PARL: variants seen among roughly 807,000 people sequenced by gnomAD.
PARL encodes the protein presenilin associated rhomboid like, also known as presenilin-associated rhomboid-like protein, mitochondrial.
PARL carries 44 observed loss-of-function variants against 51.6 expected under a neutral mutation model. The observed-to-expected ratio is 0.85, with a 90% CI of 0.67 to 1.10. PARL has a LOEUF of 1.10. Among genes scored for constraint, PARL ranks in the 50% least tolerant of loss-of-function variants. The probability of loss-of-function intolerance (pLI) is 0.00; values close to 1 mark genes in which losing one functional copy is unlikely to be tolerated. For missense variants in PARL, 441 were observed against 469.5 expected (o/e 0.94, Z 0.56); for synonymous variants, 172 against 164.0 (o/e 1.05, Z -0.37).
At chr3:183,876,082 G>C (rs532873486) in intron 1 of PARL, among the ~76,000 whole-genome samples, 1 of 152,282 alleles carries the variant, frequency 6.6e-6, no homozygotes, top group South Asian at 2.1e-4. Context: ...GTCTCACTCT[G>C]TCGCCCAGGC....
In PARL at chr3:183,884,803, T is replaced by C. The variant is rs1331168865; in HGVS notation, c.44A>G (p.Gln15Arg). 2.2e-5 allele frequency: 35 copies of C among 1,595,574 alleles called. No individual in the cohort carries two copies. The highest frequency in any genetic ancestry group is 2.9e-5 in the Non-Finnish European group (34 of 1,177,888). The change falls in exon 1 of 10, where the codon CAG becomes CGG. Residue 15 changes from glutamine to arginine, a missense_variant. By Grantham distance (43) the Gln-to-Arg change is conservative. Transcript: ENST00000317096. Reference sequence around the variant, plus strand: ...GCCGCCCACCGACGCACCCCACGCCTGGCCGCAGCCCCAGCCTCTCTGCGC... The same window carrying C: ...GCCGCCCACCGACGCACCCCACGCCCGGCCGCAGCCCCAGCCTCTCTGCGC... ...GWAQRGWGCG[Q>R]AWGASVGGRS... is the part of the protein sequence containing the mutation.
intron 1 of PARL, chr3:183,883,804 G>T: frequency 2.1e-6 from 1 of 487,040 alleles, no homozygotes; most frequent in Non-Finnish European, 2.7e-6. Flanking sequence ...TCCTGATTGT[G>T]ATTTGGGAGG....
intron 1 of PARL, among the ~76,000 whole-genome samples, chr3:183,876,678 A>G (rs1733890157): frequency 1.3e-5 from 2 of 150,006 alleles, no homozygotes; most frequent in African/African-American, 5.0e-5. Flanking sequence ...AAAAAGAAAT[A>G]TATTTTGTAA....
intron 5 of PARL, among the ~76,000 whole-genome samples, chr3:183,842,873 CT>C (rs550073931): frequency 0.013 from 1,551 of 123,332 alleles, 24 homozygotes; most frequent in African/African-American, 0.04. Flanking sequence ...ATTTTTAAGA[CT>C]TTTTTTTTTT....
chr3:183,837,085 A>G (rs561636486), intron 7 of PARL, among the ~76,000 whole-genome samples: 1 of 152,278 alleles, frequency 6.6e-6, no homozygotes, highest in Admixed American at 6.5e-5. Flanking sequence ...AATCTATCAT[A>G]CTTATGTTTT....
chr3:183,862,762 T>C lies in PARL; in HGVS notation c.502A>G (p.Thr168Ala), dbSNP rs1213785346. The change falls in exon 4 of 10, where the codon ACT becomes GCT. Residue 168 changes from threonine to alanine, a missense_variant. Physicochemically the swap from Thr to Ala is moderately conservative, Grantham distance 58 (BLOSUM62 0). Transcript: ENST00000317096. ...GTAAGCTAACACAAACCTGTCACAG[T>C]CCGCTGGCCATCACTTAGGTTATTC... ...WWNNLSDGQR[T>A]VTGIIAANVL... 6.2e-7 allele frequency: 1 copy of C among 1,613,442 alleles called. No homozygotes were observed. Among genetic ancestry groups the C allele is most frequent in the Admixed American group, 1.7e-5 (1 of 60,020 alleles).
At chr3:183,842,851 A>G (rs1393848519) in intron 5 of PARL, among the ~76,000 whole-genome samples, 9 of 143,248 alleles carry the variant, frequency 6.3e-5, no homozygotes, top group Non-Finnish European at 1.2e-4. Flanking sequence ...AACATGGAAA[A>G]CAAAAACAGC....
chr3:183,868,179 A>G, intron 1 of PARL, 119 bp from the exon 2 acceptor site: 2 of 763,972 alleles, frequency 2.6e-6, no homozygotes, highest in South Asian at 3.0e-5. Flanking sequence ...TACAGTCCAA[A>G]AACAGCCAAG....
chr3:183,879,567 G>A (rs960954774), intron 1 of PARL: 1 of 187,722 alleles, frequency 5.3e-6, no homozygotes, highest in Admixed American at 6.5e-5. Context: ...CTACACTTTT[G>A]AACTTCATAA....
chr3:183,883,415 C>A (rs1328239655), intron 1 of PARL, among the ~76,000 whole-genome samples: 3 of 152,104 alleles, frequency 2.0e-5, no homozygotes, highest in Admixed American at 2.0e-4. Flanking sequence ...ATTACAGGCG[C>A]CCGCCACCAT....
At chr3:183,878,130 T>C (rs1734054185) in intron 1 of PARL, among the ~76,000 whole-genome samples, 1 of 151,842 alleles carries the variant, frequency 6.6e-6, no homozygotes, top group African/African-American at 2.4e-5. Flanking sequence ...AGCTGGAGAG[T>C]CTCAGATGGC....
intron 4 of PARL, among the ~76,000 whole-genome samples, chr3:183,845,613 A>G (rs904404399): frequency 6.6e-6 from 1 of 152,226 alleles, no homozygotes; most frequent in African/African-American, 2.4e-5. Flanking sequence ...ATTTATGCAA[A>G]GATGGGAAAA....
chr3:183,836,625 C>A (rs1355951365), intron 7 of PARL, among the ~76,000 whole-genome samples: 2 of 152,200 alleles, frequency 1.3e-5, no homozygotes, highest in African/African-American at 4.8e-5. Flanking sequence ...CCTGATCCAA[C>A]AGACCTAAGA....
intron 4 of PARL, among the ~76,000 whole-genome samples, chr3:183,856,082 C>A (rs1196726720): frequency 6.6e-6 from 1 of 152,030 alleles, no homozygotes; most frequent in Non-Finnish European, 1.5e-5. Context: ...GGGCTGGGAA[C>A]CCCTGCTTTA....
chr3:183,866,521 A>G (rs1042441881), intron 3 of PARL, 104 bp downstream of exon 3: 7 of 885,552 alleles, frequency 7.9e-6, no homozygotes, highest in South Asian at 1.3e-5. Flanking sequence ...ATTATTACAC[A>G]TTATGTGAAT....
At position 183,876,432 on chromosome 3, in the gene PARL, T is replaced by C. The variant is rs190661268; in HGVS notation, c.125+8290A>G. Among the ~76,000 whole-genome samples, 556 of 152,176 alleles carry C rather than the reference T, an allele frequency of 3.7e-3. 3 individuals carry two copies. Among genetic ancestry groups the C allele is most frequent in the Middle Eastern group, 0.014 (4 of 294 alleles). Reference sequence around the variant, plus strand: ...TCAAAATACTACTGTTCATCGACAATGTATCTGGTCACCCAAGAGCTCAGA... The same window carrying C: ...TCAAAATACTACTGTTCATCGACAACGTATCTGGTCACCCAAGAGCTCAGA... On this transcript the variant is annotated intron_variant, in intron 1 of 9. Transcript: ENST00000317096.
intron 7 of PARL, among the ~76,000 whole-genome samples, chr3:183,834,252 T>C (rs1265815506): frequency 6.6e-6 from 1 of 152,212 alleles, no homozygotes. Flanking sequence ...TCTTTATTCA[T>C]CTTCATAAAG....
In PARL at chr3:183,834,886, CAAAA is replaced by C. The variant is rs60078452; in HGVS notation, c.829-1065_829-1062del. Among the ~76,000 whole-genome samples, 512 of 108,626 alleles carry C rather than the reference CAAAA, an allele frequency of 4.7e-3. 5 individuals are homozygous for C. The highest frequency in any genetic ancestry group is 0.028 in the Middle Eastern group (6 of 214). 71.3% of individuals were successfully genotyped at this position (108,626 alleles called of 152,430 possible). A position where few individuals can be genotyped will look rare whatever the true frequency, so the allele number is the denominator to read the frequency against. On this transcript the variant is annotated intron_variant, in intron 7 of 9. Transcript: ENST00000317096. ...TAAAACCCCGTCTCTACTAAAAATACAAAAAAAAAAAAAAAAAAAAAAATTAGCT... is the reference window on the plus strand; with the variant it reads ...TAAAACCCCGTCTCTACTAAAAATACAAAAAAAAAAAAAAAAAAATTAGCT...
At chr3:183,856,002 A>G (rs1307314962) in intron 4 of PARL, among the ~76,000 whole-genome samples, 2 of 151,542 alleles carry the variant, frequency 1.3e-5, no homozygotes, top group Admixed American at 6.6e-5. Context: ...CCCCACAAAC[A>G]AAGTTTCACT....
Sources: gnomAD v4.1 joint callset for allele counts (sites outside exome capture counted in the v4.1 genomes callset) on GRCh38, gnomAD v4.1.1 for gene constraint, MANE v1.5 for transcripts, NCBI Gene and HGNC (gene_info 2026-07-23, HGNC 2026-07-21) for gene names.